C1orf159: variants seen among roughly 807,000 people sequenced by gnomAD.
C1orf159 encodes the protein chromosome 1 open reading frame 159.
C1orf159 carries 19 observed loss-of-function variants against 25.6 expected under a neutral mutation model. That is an observed-to-expected ratio of 0.74 (90% CI 0.52 to 1.09). The LOEUF is 1.09. Ranked by LOEUF, C1orf159 falls within the 50% of genes least tolerant of loss-of-function variation. The pLI is 0.00. For missense variants in C1orf159, 274 were observed against 290.6 expected (o/e 0.94, Z 0.42); for synonymous variants, 139 against 124.7 (o/e 1.12, Z -0.77).
At chr1:1,095,676 T>C (rs1036525656) in intron 1 of C1orf159, among the ~76,000 whole-genome samples, 2 of 152,216 alleles carry the variant, frequency 1.3e-5, no homozygotes, top group African/African-American at 4.8e-5. Flanking sequence ...TCTTACCTTA[T>C]TGCAGTGGCT....
chr1:1,103,682 T>C (rs1190096956), intron 1 of C1orf159, among the ~76,000 whole-genome samples: 2 of 152,190 alleles, frequency 1.3e-5, no homozygotes, highest in South Asian at 2.1e-4. Context: ...GGTGCCTAGC[T>C]CCTTCCCCTG....
intron 1 of C1orf159, among the ~76,000 whole-genome samples, chr1:1,100,527 G>T (rs891385404): frequency 6.6e-6 from 1 of 152,102 alleles, no homozygotes; most frequent in African/African-American, 2.4e-5. Flanking sequence ...TGGTTGACAC[G>T]AGGGCGCACT....
rs927226271 is a variant in C1orf159 at position 1,087,478 on chromosome 1, C to T, written c.244+24G>A. ...CACAGCTGGAGCTGTGAGAAGGGAG[C>T]CGGGGGGAGCCGGGCAGACCTACAG... On this transcript the variant is annotated intron_variant, in intron 5 of 9. Coordinates refer to ENST00000421241, the MANE Select transcript of C1orf159 (RefSeq NM_017891.5). The surrounding 1 kb of genome is among the most constrained non-coding windows in gnomAD (Gnocchi z 8.3). 20 of 1,533,188 alleles carry T rather than the reference C, an allele frequency of 1.3e-5. No homozygotes were observed. The highest frequency in any genetic ancestry group is 1.7e-5 in the Non-Finnish European group (19 of 1,133,778). 95.0% of individuals were successfully genotyped at this position (1,533,188 alleles called of 1,614,324 possible).
rs1645884264 is a variant in C1orf159, at chr1:1,089,112, G to A, written c.148+1241C>T. ...CCCGAGCGGAGACGTGACCTGGCTT[G>A]GGGCCGCACGCAGGGGGAAGCGTAT... On this transcript the variant is annotated intron_variant, in intron 4 of 9. Coordinates refer to ENST00000421241, the MANE Select transcript of C1orf159 (RefSeq NM_017891.5). This position sits in a 1 kb window ranked among gnomAD's most constrained non-coding sequence, Gnocchi z 7.5. 6.6e-6 allele frequency among the ~76,000 whole-genome samples: 1 copy of A among 152,178 alleles called. No homozygotes were observed. The highest frequency in any genetic ancestry group is 1.5e-5 in the Non-Finnish European group (1 of 68,004).
At chr1:1,083,398 C>A in intron 9 of C1orf159, 1 of 207,470 alleles carries the variant, frequency 4.8e-6, no homozygotes, top group Non-Finnish European at 9.7e-6. Context: ...GTGTGATCGC[C>A]CAGGGTTCCC....
rs573642554 is a variant in C1orf159 at position 1,107,488 on chromosome 1, C to T, written c.-136+8572G>A. Among the ~76,000 whole-genome samples, 7 of 152,302 alleles carry T rather than the reference C, an allele frequency of 4.6e-5. No individual in the cohort carries two copies. In the Middle Eastern group the frequency reaches 0.014, roughly 296 times the overall value. ...GCTCAAGGTTTGTAAATGCACCAAT[C>T]GCTGCTCTGTGTCTAGTTAATCTAG... is the stretch of plus-strand genomic sequence containing the variant. On this transcript the variant is annotated intron_variant, in intron 1 of 9. Coordinates refer to ENST00000421241, the MANE Select transcript of C1orf159 (RefSeq NM_017891.5).
chr1:1,083,110 A>T, intron 9 of C1orf159, 123 bp from the exon 10 acceptor site: 1 of 770,514 alleles, frequency 1.3e-6, no homozygotes, highest in East Asian at 2.9e-5. Flanking sequence ...GGGGCTGTTT[A>T]CTCTGACCAG....
chr1:1,094,689 C>CT (rs1308112797), intron 1 of C1orf159, among the ~76,000 whole-genome samples: 7 of 152,238 alleles, frequency 4.6e-5, no homozygotes, highest in African/African-American at 1.7e-4. Flanking sequence ...CATGAGCCAC[C>CT]TTGCCCGGCC....
chr1:1,091,489 T>G lies in C1orf159; in HGVS notation c.55A>C (p.Lys19Gln). 1 of 1,550,160 alleles carries G rather than the reference T, an allele frequency of 6.5e-7. No homozygotes were observed. Among genetic ancestry groups the G allele is most frequent in the Non-Finnish European group, 8.7e-7 (1 of 1,146,826 alleles). The change falls in exon 3 of 10, where the codon AAG (lysine) becomes CAG (glutamine). Residue 19 changes from lysine (K) to glutamine (Q), a missense_variant. Coordinates refer to ENST00000421241, the MANE Select transcript of C1orf159 (RefSeq NM_017891.5). ...GCACCTACCGTGTTCTCCATGGACTTGCTGGCGACTCCCACGAGAAGGCCA... is the reference window on the plus strand; with the variant it reads ...GCACCTACCGTGTTCTCCATGGACTGGCTGGCGACTCCCACGAGAAGGCCA... ...LAGLLVGVAS[K>Q]SMENTAQLPE...
At chr1:1,090,864 G>A (rs551489409) in intron 3 of C1orf159, 155 of 1,545,834 alleles carry the variant, frequency 1.0e-4, no homozygotes, top group Non-Finnish European at 1.3e-4. Flanking sequence ...TGCGCTGGGT[G>A]CTGGCACTTA....
intron 1 of C1orf159, among the ~76,000 whole-genome samples, chr1:1,100,647 C>G (rs1247153957): frequency 6.6e-6 from 1 of 152,160 alleles, no homozygotes; most frequent in East Asian, 1.9e-4. Context: ...CTGATTGTCC[C>G]TGTGTTTTTT....
chr1:1,084,417 G>A (rs549634030), intron 8 of C1orf159, 34 bp from the exon 9 acceptor site: 29 of 1,579,232 alleles, frequency 1.8e-5, no homozygotes, highest in Admixed American at 1.2e-4. Flanking sequence ...GTGAGGACTC[G>A]GGATGGCCTG....
chr1:1,112,541 C>T (rs1048219568), intron 1 of C1orf159, among the ~76,000 whole-genome samples: 8 of 151,946 alleles, frequency 5.3e-5, no homozygotes, highest in Admixed American at 3.3e-4. Flanking sequence ...GAACACAACG[C>T]GCACGCTCCC....
Position 1,082,786 on chromosome 1 carries a change from G to A in C1orf159, c.*107C>T, listed in dbSNP as rs1017584170. The A allele has an allele frequency of 6.3e-5, 66 of 1,045,436 alleles. No homozygotes were observed. The highest frequency in any genetic ancestry group is 3.2e-5 in the African/African-American group (2 of 63,088). 64.8% of individuals were successfully genotyped at this position (1,045,436 alleles called of 1,614,324 possible). On this transcript the variant is annotated 3_prime_UTR_variant, in exon 10 of 10. Coordinates refer to ENST00000421241, the MANE Select transcript of C1orf159 (RefSeq NM_017891.5). ...GACTCAGAGCCGAGGCTGTGCCCAG[G>A]ACTGTCCCGGGCGCCGGGCGATGCC...
At chr1:1,090,952 G>A in intron 3 of C1orf159, 1 of 1,550,378 alleles carries the variant, frequency 6.5e-7, no homozygotes, top group Non-Finnish European at 8.7e-7. Flanking sequence ...CTCAGCTTGT[G>A]TGTTGATCAC....
rs1431011772 is a variant in C1orf159 at position 1,091,009 on chromosome 1, TC to T, written c.72+462del. The T allele has an allele frequency of 3.9e-6, 6 of 1,523,912 alleles. No homozygotes were observed. The East Asian group carries it at 1.2e-4, about 31-fold the overall frequency. The allele number at this position is 1,523,912 out of a possible 1,614,324, so 94.4% of individuals were successfully genotyped here. ...CTGAATGCAGTGAACGGTGAGGGCG[TC>T]CAGGGGTGACTGCGGAGTGCGGGAT... On this transcript the variant is annotated intron_variant, in intron 3 of 9. Coordinates refer to ENST00000421241, the MANE Select transcript of C1orf159 (RefSeq NM_017891.5).
chr1:1,111,206 C>G (rs1353608979), intron 1 of C1orf159, among the ~76,000 whole-genome samples: 1 of 152,130 alleles, frequency 6.6e-6, no homozygotes, highest in Non-Finnish European at 1.5e-5. Context: ...GCTATACACT[C>G]TTTGACCACT....
At chr1:1,101,923 T>C (rs11260592) in intron 1 of C1orf159, among the ~76,000 whole-genome samples, 36,089 of 151,150 alleles carry the variant, frequency 0.24, 5,777 homozygotes, top group African/African-American at 0.46. Context: ...AATACAAAAA[T>C]TAATCGGGCA....
chr1:1,097,384 T>A lies in C1orf159; in HGVS notation c.-135-5281A>T, dbSNP rs555804603. ...CATCCCAAAGTGCTGGGATTACAAG[T>A]GTGAGCCACCGTGCTTGGCCTATCT... On this transcript the variant is annotated intron_variant, in intron 1 of 9. Transcript: ENST00000421241. Among the ~76,000 whole-genome samples, 154 of 151,316 alleles carry A rather than the reference T, an allele frequency of 1.0e-3. 1 individual carries two copies. Among genetic ancestry groups the A allele is most frequent in the African/African-American group, 3.6e-3 (147 of 41,178 alleles).
Sources: gnomAD v4.1 joint callset for allele counts (sites outside exome capture counted in the v4.1 genomes callset) on GRCh38, gnomAD v4.1.1 for gene constraint, Gnocchi (gnomAD v3.1) non-coding constraint, MANE v1.5 for transcripts, NCBI Gene and HGNC (gene_info 2026-07-23, HGNC 2026-07-21) for gene names.